Variants in DAB1 observed in about 807,000 individuals in gnomAD.
DAB1 encodes the protein disabled homolog 1.
A neutral mutation model predicts 64.6 loss-of-function variants in DAB1; 15 were observed. That is an observed-to-expected ratio of 0.23 (90% CI 0.16 to 0.36). The LOEUF is 0.36. Ranked by LOEUF, DAB1 falls within the 10% of genes least tolerant of loss-of-function variation. DAB1 has a pLI of 1.00. For missense variants in DAB1, 596 were observed against 706.7 expected (o/e 0.84, Z 1.78); for synonymous variants, 235 against 251.9 (o/e 0.93, Z 0.64).
intron 2 of DAB1, among the ~76,000 whole-genome samples, chr1:58,525,770 T>C (rs11807046): frequency 0.12 from 17,679 of 152,044 alleles, 1,221 homozygotes; most frequent in African/African-American, 0.18. Context: ...TCAAATCAAT[T>C]CTGCAGAACA....
intron 13 of DAB1, 23 bp downstream of exon 13, chr1:57,011,122 C>T: frequency 6.2e-6 from 10 of 1,613,460 alleles, no homozygotes; most frequent in Non-Finnish European, 8.5e-6. Flanking sequence ...AAAACACAAA[C>T]AAATAACAAA....
intron 4 of DAB1, among the ~76,000 whole-genome samples, chr1:57,117,446 C>T (rs908243367): frequency 2.0e-5 from 3 of 152,158 alleles, no homozygotes; most frequent in African/African-American, 7.2e-5. Flanking sequence ...TGATTAAGTC[C>T]CCAAGATCAC....
chr1:58,202,108 CTGTT>C (rs934577093), intron 4 of DAB1, among the ~76,000 whole-genome samples: 18 of 152,134 alleles, frequency 1.2e-4, no homozygotes, highest in South Asian at 6.2e-4. Context: ...ACCTAAAACA[CTGTT>C]TGACACATAG....
chr1:57,125,683 A>G (rs1006757617), intron 4 of DAB1, among the ~76,000 whole-genome samples: 5 of 152,174 alleles, frequency 3.3e-5, no homozygotes, highest in Non-Finnish European at 5.9e-5. Context: ...GATTTAACAC[A>G]TTATACACAA....
chr1:58,063,834 A>G (rs1267684424), intron 5 of DAB1, among the ~76,000 whole-genome samples: 1 of 152,212 alleles, frequency 6.6e-6, no homozygotes, highest in Non-Finnish European at 1.5e-5. Context: ...TGCTAAGTGG[A>G]AAAGACAAAA....
intron 5 of DAB1, among the ~76,000 whole-genome samples, chr1:58,014,921 C>T (rs1205833770): frequency 6.6e-6 from 1 of 152,210 alleles, no homozygotes; most frequent in Non-Finnish European, 1.5e-5. Context: ...ACAGTAGTCA[C>T]TGGACAGCAA....
chr1:57,430,155 T>C (rs1019625689), intron 7 of DAB1, among the ~76,000 whole-genome samples: 1 of 150,686 alleles, frequency 6.6e-6, no homozygotes, highest in Non-Finnish European at 1.5e-5. Flanking sequence ...TCTTCTTTAA[T>C]TTCTTTCATC....
chr1:57,207,537 G>A (rs1665676173), intron 2 of DAB1, among the ~76,000 whole-genome samples: 1 of 135,044 alleles, frequency 7.4e-6, no homozygotes, highest in African/African-American at 2.8e-5. Flanking sequence ...TCCGCCTCCC[G>A]GGTTCACGCC....
At chr1:57,984,204 G>A (rs961563060) in intron 5 of DAB1, among the ~76,000 whole-genome samples, 2 of 120,820 alleles carry the variant, frequency 1.7e-5, no homozygotes, top group Non-Finnish European at 3.7e-5. Context: ...AAGAAAGAAA[G>A]AAAGAAAGAA....
At chr1:57,958,676 G>C (rs1043689367) in intron 5 of DAB1, among the ~76,000 whole-genome samples, 3 of 152,184 alleles carry the variant, frequency 2.0e-5, no homozygotes, top group African/African-American at 7.2e-5. Context: ...TCACAGTTCT[G>C]GGGGTAGAAG....
At chr1:58,503,116 A>G (rs1645932497) in intron 3 of DAB1, among the ~76,000 whole-genome samples, 1 of 152,368 alleles carries the variant, frequency 6.6e-6, no homozygotes, top group East Asian at 1.9e-4. Context: ...GAGTCTTCAC[A>G]TGAAAAGTTG....
chr1:57,201,123 G>C (rs1173886546), intron 2 of DAB1, among the ~76,000 whole-genome samples: 1 of 152,304 alleles, frequency 6.6e-6, no homozygotes, highest in South Asian at 2.1e-4. Flanking sequence ...GTGTCTTCAG[G>C]AGCCATTGCT....
At chr1:58,080,394 C>T (rs1282408989) in intron 5 of DAB1, 3 of 152,046 alleles carry the variant, frequency 2.0e-5, no homozygotes, top group Non-Finnish European at 4.4e-5. Context: ...AAAAATAAGC[C>T]CAGTCAGGTA....
intron 3 of DAB1, among the ~76,000 whole-genome samples, chr1:58,399,844 T>TA (rs1188778128): frequency 6.6e-6 from 1 of 152,132 alleles, no homozygotes; most frequent in East Asian, 1.9e-4. Context: ...AGCTGGCACT[T>TA]AAACTCAGGT....
intron 4 of DAB1, among the ~76,000 whole-genome samples, chr1:58,205,831 C>T (rs114328131): frequency 0.014 from 2,203 of 152,330 alleles, 40 homozygotes; most frequent in Middle Eastern, 0.041. Context: ...CCCTGGAACC[C>T]TGTCTGATGC....
chr1:58,229,663 G>A (rs1659683001), intron 4 of DAB1, among the ~76,000 whole-genome samples: 1 of 152,114 alleles, frequency 6.6e-6, no homozygotes, highest in Non-Finnish European at 1.5e-5. Flanking sequence ...AGGAGAGAAC[G>A]TACTTGCAGA....
chr1:57,439,425 C>CTTTTTT (rs71051230), intron 7 of DAB1, among the ~76,000 whole-genome samples: 8 of 97,982 alleles, frequency 8.2e-5, no homozygotes, highest in Non-Finnish European at 1.1e-4. Flanking sequence ...GAGGTTTTTT[C>CTTTTTT]TTTTTTTTTT....
At position 57,502,543 on chromosome 1, in the gene DAB1, T is replaced by A. The variant is rs187892393; in HGVS notation, n.625+147049A>T. On this transcript the variant is annotated intron_variant and non_coding_transcript_variant, in intron 7 of 20. Transcript: ENST00000485760. Reference sequence around the variant, plus strand: ...TTTGTATATCTCTCCGAATAGAATGTTAAGTCCATGAGATGGGTGCTGTGT... The same window carrying A: ...TTTGTATATCTCTCCGAATAGAATGATAAGTCCATGAGATGGGTGCTGTGT... 2.0e-5 allele frequency among the ~76,000 whole-genome samples: 3 copies of A among 152,338 alleles called. No individual in the cohort carries two copies. The East Asian group carries it at 5.8e-4, about 29-fold the overall frequency.
chr1:57,407,767 AGTGTGTGTGTGTGTGTGTGT>A (rs3991224), intron 1 of DAB1, among the ~76,000 whole-genome samples: 18 of 147,058 alleles, frequency 1.2e-4, no homozygotes, highest in Non-Finnish European at 2.5e-4. Context: ...AGATATCTGA[AGTGTGTGTGTGTGTGTGTGT>A]GTGTGTGTGT....
Sources: gnomAD v4.1 joint callset for allele counts (sites outside exome capture counted in the v4.1 genomes callset) on GRCh38, gnomAD v4.1.1 for gene constraint, MANE v1.5 for transcripts, NCBI Gene and HGNC (gene_info 2026-07-23, HGNC 2026-07-21) for gene names.